Variants in HPSE2 observed in about 807,000 individuals in gnomAD.
HPSE2 encodes the protein inactive heparanase-2.
Under a neutral mutation model 60.5 loss-of-function variants are expected in HPSE2, and 38 were observed. The observed-to-expected ratio is 0.63, with a 90% CI of 0.48 to 0.82. HPSE2 has a LOEUF of 0.82. Ranked by LOEUF, HPSE2 falls within the 40% of genes least tolerant of loss-of-function variation. The pLI, the probability that HPSE2 is intolerant of heterozygous loss-of-function variation, is 0.00. For missense variants in HPSE2, 713 were observed against 740.4 expected (o/e 0.96, Z 0.43); for synonymous variants, 295 against 293.2 (o/e 1.01, Z -0.06).
At chr10:98,853,482 T>G (rs1313364831) in intron 3 of HPSE2, among the ~76,000 whole-genome samples, 3 of 152,178 alleles carry the variant, frequency 2.0e-5, no homozygotes, top group East Asian at 3.8e-4. Flanking sequence ...TCATTTTCTT[T>G]TTTCTCTCCT....
intron 3 of HPSE2, among the ~76,000 whole-genome samples, chr10:98,788,974 T>C (rs538734284): frequency 5.9e-5 from 9 of 152,200 alleles, no homozygotes; most frequent in East Asian, 1.9e-4. Context: ...CCTCCTCCTA[T>C]ATCCACTTCT....
At chr10:99,195,647 A>C (rs1205256188) in intron 2 of HPSE2, among the ~76,000 whole-genome samples, 2 of 152,116 alleles carry the variant, frequency 1.3e-5, no homozygotes, top group African/African-American at 4.8e-5. Context: ...AAATAAGCTT[A>C]GCAAAAGAAG....
chr10:98,568,217 G>A (rs1490423648), intron 9 of HPSE2, among the ~76,000 whole-genome samples: 6 of 152,220 alleles, frequency 3.9e-5, no homozygotes, highest in African/African-American at 1.4e-4. Context: ...TGACAGTAAA[G>A]CTCCAGAAGC....
At chr10:98,781,544 T>C (rs187654989) in intron 3 of HPSE2, among the ~76,000 whole-genome samples, 42 of 151,978 alleles carry the variant, frequency 2.8e-4, no homozygotes, top group African/African-American at 9.9e-4. Flanking sequence ...AATAGAAAAA[T>C]TGGCAAAAGA....
intron 3 of HPSE2, among the ~76,000 whole-genome samples, chr10:98,802,300 A>AT (rs35153153): frequency 0.79 from 117,786 of 148,650 alleles, 46,899 homozygotes; most frequent in Non-Finnish European, 0.83. Context: ...TTCTCTTTTT[A>AT]TTTTTTTTTT....
chr10:98,980,595 T>C (rs1042320855), intron 3 of HPSE2, among the ~76,000 whole-genome samples: 1 of 152,156 alleles, frequency 6.6e-6, no homozygotes, highest in African/African-American at 2.4e-5. Flanking sequence ...CAGTCAGCAG[T>C]GTATGAGTGA....
At chr10:98,945,495 T>C (rs1399649974) in intron 3 of HPSE2, among the ~76,000 whole-genome samples, 1 of 152,188 alleles carries the variant, frequency 6.6e-6, no homozygotes, top group African/African-American at 2.4e-5. Flanking sequence ...AAATGCAGTA[T>C]AAATTATGAT....
rs549955240 is a variant in HPSE2 at position 99,232,222 on chromosome 10, C to T, written c.448+126G>A. On this transcript the variant is annotated intron_variant, in intron 2 of 11. Transcript: ENST00000370552. ...CAACGCGCGCGCGCGCATACACACA[C>T]ACACACACACACACACACACACACA... is the stretch of plus-strand genomic sequence containing the variant. The T allele has an allele frequency of 0.47, 421,319 of 900,942 alleles. 71,586 individuals carry two copies. Among genetic ancestry groups the T allele is most frequent in the Non-Finnish European group, 0.51 (308,083 of 608,814 alleles). 55.8% of individuals were successfully genotyped at this position (900,942 alleles called of 1,614,324 possible). A position where few individuals can be genotyped will look rare whatever the true frequency, so the allele number is the denominator to read the frequency against.
At chr10:98,462,701 G>A (rs1230101484) in intron 11 of HPSE2, among the ~76,000 whole-genome samples, 1 of 152,060 alleles carries the variant, frequency 6.6e-6, no homozygotes, top group Non-Finnish European at 1.5e-5. Context: ...CCCTCTGCCT[G>A]CTTCTCAGAT....
At position 98,614,466 on chromosome 10, in the gene HPSE2, G is replaced by T. The variant is rs1057257459; in HGVS notation, c.1320+438C>A. On this transcript the variant is annotated intron_variant, in intron 9 of 11. Coordinates refer to ENST00000370552, the MANE Select transcript of HPSE2 (RefSeq NM_021828.5). ...CGCCATCACACACAGCTAATTTTTT[G>T]TATTTTTAGTGGAGACGGGGTTTCA... Among the ~76,000 whole-genome samples, 6 of 151,870 alleles carry T rather than the reference G, an allele frequency of 4.0e-5. No homozygotes were observed. The East Asian group carries it at 1.2e-3, about 29-fold the overall frequency.
intron 3 of HPSE2, among the ~76,000 whole-genome samples, chr10:98,871,505 A>G (rs1952731961): frequency 6.6e-6 from 1 of 152,008 alleles, no homozygotes; most frequent in African/African-American, 2.4e-5. Flanking sequence ...ATAGTATTTA[A>G]TATTATTTAT....
intron 3 of HPSE2, among the ~76,000 whole-genome samples, chr10:98,873,428 A>C (rs938867100): frequency 1.3e-5 from 2 of 151,336 alleles, no homozygotes; most frequent in African/African-American, 4.9e-5. Context: ...TCATTGCTCA[A>C]CTCCCACTTA....
At chr10:98,829,972 C>G (rs1362784045) in intron 3 of HPSE2, among the ~76,000 whole-genome samples, 3 of 152,118 alleles carry the variant, frequency 2.0e-5, no homozygotes, top group Admixed American at 2.0e-4. Flanking sequence ...ATTGACCCAT[C>G]CCATAAGTTC....
intron 3 of HPSE2, among the ~76,000 whole-genome samples, chr10:99,011,134 A>AG (rs1377300151): frequency 1.4e-4 from 9 of 64,128 alleles, no homozygotes; most frequent in Non-Finnish European, 3.1e-4. Flanking sequence ...TTCCTGTGTT[A>AG]GGTTTTTTTT....
intron 2 of HPSE2, among the ~76,000 whole-genome samples, chr10:99,194,913 C>A (rs973328171): frequency 4.6e-5 from 7 of 151,890 alleles, no homozygotes; most frequent in Non-Finnish European, 1.0e-4. Context: ...TATCTTGATA[C>A]CAAAACCAGA....
chr10:98,664,710 AAACCT>A (rs1236272325), intron 6 of HPSE2, among the ~76,000 whole-genome samples: 1 of 152,204 alleles, frequency 6.6e-6, no homozygotes, highest in Admixed American at 6.5e-5. Context: ...AGCGCCTGTG[AAACCT>A]AAGGCAAAAA....
chr10:99,304,236 A>G, the HPSE2 span, among the ~76,000 whole-genome samples: 1 of 152,346 alleles, frequency 6.6e-6, no homozygotes, highest in South Asian at 2.1e-4. Context: ...CTGCCATGGC[A>G]ACACCCAGGA....
At chr10:99,068,276 C>A (rs1383529656) in intron 3 of HPSE2, among the ~76,000 whole-genome samples, 1 of 152,164 alleles carries the variant, frequency 6.6e-6, no homozygotes, top group Non-Finnish European at 1.5e-5. Context: ...CAGCGCCCCA[C>A]TACTCGGTAC....
the HPSE2 span, among the ~76,000 whole-genome samples, chr10:99,307,163 A>T: frequency 6.6e-6 from 1 of 152,074 alleles, no homozygotes; most frequent in South Asian, 2.1e-4. Flanking sequence ...TGCTCCATTT[A>T]CTGACTCCTG....
Sources: allele counts gnomAD v4.1 joint callset (sites outside exome capture counted in the v4.1 genomes callset), GRCh38; gene constraint gnomAD v4.1.1; transcripts MANE v1.5; gene names NCBI Gene and HGNC (gene_info 2026-07-23, HGNC 2026-07-21).